Variants in RORA observed in about 807,000 individuals in gnomAD.
RORA encodes the protein nuclear receptor ROR-alpha.
A neutral mutation model predicts 69.5 loss-of-function variants in RORA; 7 were observed. The observed-to-expected ratio is 0.10, with a 90% CI of 0.06 to 0.19. The LOEUF (loss-of-function observed/expected upper bound fraction) is 0.19. Ranked by LOEUF, RORA falls within the 10% of genes least tolerant of loss-of-function variation. RORA has a pLI of 1.00. For missense variants in RORA, 457 were observed against 663.0 expected, an observed-to-expected ratio of 0.69 and a Z score of 3.41; for synonymous variants, 261 against 240.8, an observed-to-expected ratio of 1.08 and a Z score of -0.78.
At chr15:60,543,649 TTA>T (rs939906732) in intron 2 of RORA, among the ~76,000 whole-genome samples, 17 of 152,016 alleles carry the variant, frequency 1.1e-4, no homozygotes, top group African/African-American at 4.1e-4. Context: ...TGGCTTTTTT[TTA>T]TATTTTTTTC....
At chr15:61,062,161 G>A (rs1259932130) in intron 1 of RORA, among the ~76,000 whole-genome samples, 1 of 152,218 alleles carries the variant, frequency 6.6e-6, no homozygotes, top group African/African-American at 2.4e-5. Flanking sequence ...TCTTGGCTCT[G>A]AATGCCTGAC....
Position 60,489,055 on chromosome 15 carries a change from A to G in RORA, c.*8400T>C, listed in dbSNP as rs1197421618. The G allele has an allele frequency of 2.6e-5, 4 of 152,232 alleles. No individual in the cohort carries two copies. The allele number at this position is 152,232 out of a possible 1,614,324, so 9.4% of individuals were successfully genotyped here. A position where few individuals can be genotyped will look rare whatever the true frequency, so the allele number is the denominator to read the frequency against. On this transcript the variant is annotated 3_prime_UTR_variant, in exon 11 of 11. Transcript: ENST00000335670. ...TGTGCTAGCCATTGTGCAGACGCAA[A>G]AAGATACAATCTCTACCCTCAGGAA...
chr15:61,215,932 T>C (rs192233693), intron 1 of RORA, among the ~76,000 whole-genome samples: 77 of 152,336 alleles, frequency 5.1e-4, no homozygotes, highest in African/African-American at 1.8e-3. Flanking sequence ...TTTTCATTAC[T>C]ACCGCATATT....
At chr15:60,705,476 A>G (rs2071048435) in intron 1 of RORA, among the ~76,000 whole-genome samples, 1 of 152,230 alleles carries the variant, frequency 6.6e-6, no homozygotes, top group South Asian at 2.1e-4. Context: ...ATTTAATCAA[A>G]GGATTCAACA....
At chr15:61,087,649 T>C (rs1208259974) in intron 1 of RORA, among the ~76,000 whole-genome samples, 3 of 152,240 alleles carry the variant, frequency 2.0e-5, no homozygotes, top group African/African-American at 7.2e-5. Flanking sequence ...AAGTCTGCAG[T>C]TGGCAGATAA....
At chr15:61,048,068 A>C (rs951751373) in intron 1 of RORA, among the ~76,000 whole-genome samples, 1 of 152,218 alleles carries the variant, frequency 6.6e-6, no homozygotes, top group Non-Finnish European at 1.5e-5. Flanking sequence ...CCAGCATTTG[A>C]ATAAAGTGTG....
intron 4 of RORA, 84 bp downstream of exon 4, chr15:60,514,532 A>C: frequency 1.5e-6 from 2 of 1,329,548 alleles, no homozygotes; most frequent in African/African-American, 1.4e-5. Flanking sequence ...CAGGCGGGGC[A>C]GATATTGGCA....
At chr15:61,008,737 C>A (rs1308044561) in intron 1 of RORA, among the ~76,000 whole-genome samples, 2 of 152,024 alleles carry the variant, frequency 1.3e-5, no homozygotes, top group African/African-American at 4.8e-5. Flanking sequence ...AAAAAAAAAT[C>A]CACAACTGAG....
At chr15:60,820,716 A>T (rs2072882661) in intron 1 of RORA, among the ~76,000 whole-genome samples, 1 of 152,182 alleles carries the variant, frequency 6.6e-6, no homozygotes, top group South Asian at 2.1e-4. Context: ...CCTAAACCGT[A>T]AAAACGGCAG....
chr15:61,181,470 A>T (rs534144398), intron 1 of RORA: 52 of 152,294 alleles, frequency 3.4e-4, no homozygotes, highest in African/African-American at 1.2e-3. Flanking sequence ...CACTAAAGTG[A>T]AAAAGGGTCA....
At chr15:60,630,038 T>G (rs2069698365) in intron 2 of RORA, among the ~76,000 whole-genome samples, 1 of 152,174 alleles carries the variant, frequency 6.6e-6, no homozygotes. Context: ...ACCTATGATT[T>G]GGCTATTGGG....
At chr15:60,976,253 C>T (rs1383910450) in intron 1 of RORA, among the ~76,000 whole-genome samples, 4 of 152,138 alleles carry the variant, frequency 2.6e-5, no homozygotes, top group Non-Finnish European at 5.9e-5. Context: ...AACAGCCCTG[C>T]GGGACTCAAT....
chr15:61,222,470 G>A (rs897439375), intron 1 of RORA, among the ~76,000 whole-genome samples: 1 of 152,216 alleles, frequency 6.6e-6, no homozygotes, highest in African/African-American at 2.4e-5. Context: ...TGACTAAACT[G>A]TGAGCTATGG....
intron 1 of RORA, among the ~76,000 whole-genome samples, chr15:61,158,547 T>C (rs758713919): frequency 1.1e-4 from 16 of 152,194 alleles, no homozygotes; most frequent in Non-Finnish European, 2.1e-4. Context: ...CTTTATTGAA[T>C]AAACAATTTT....
At chr15:61,139,997 C>T (rs988476910) in intron 1 of RORA, among the ~76,000 whole-genome samples, 4 of 152,198 alleles carry the variant, frequency 2.6e-5, no homozygotes, top group African/African-American at 9.7e-5. Flanking sequence ...CACCATTTGG[C>T]ACTTCCCAGA....
At chr15:60,800,727 C>A (rs1302199134) in intron 1 of RORA, among the ~76,000 whole-genome samples, 1 of 152,142 alleles carries the variant, frequency 6.6e-6, no homozygotes, top group East Asian at 1.9e-4. Flanking sequence ...TACCTCCCAG[C>A]CCCCCAAACT....
At chr15:61,160,648 A>AAACT (rs1438649353) in intron 1 of RORA, among the ~76,000 whole-genome samples, 1 of 152,156 alleles carries the variant, frequency 6.6e-6, no homozygotes, top group African/African-American at 2.4e-5. Flanking sequence ...ATGAGTGAAT[A>AAACT]AACTATAGAG....
At chr15:60,801,583 C>T (rs913715916) in intron 1 of RORA, among the ~76,000 whole-genome samples, 6 of 152,212 alleles carry the variant, frequency 3.9e-5, no homozygotes, top group African/African-American at 1.4e-4. Flanking sequence ...TGGAATGTCT[C>T]TGCATTTTAC....
chr15:61,136,555 A>G lies in RORA; in HGVS notation c.166+92498T>C, dbSNP rs140056198. On this transcript the variant is annotated intron_variant, in intron 1 of 10. Transcript: ENST00000335670. ...AATAGACTACAATGAGACAAAACAC[A>G]TGAGCACATGTTACCACAAGACAGA... 2.6e-5 allele frequency among the ~76,000 whole-genome samples: 4 copies of G among 152,354 alleles called. No homozygotes were observed. The East Asian group carries it at 5.8e-4, about 22-fold the overall frequency.
Sources: gnomAD v4.1 joint callset for allele counts (sites outside exome capture counted in the v4.1 genomes callset) on GRCh38, gnomAD v4.1.1 for gene constraint, MANE v1.5 for transcripts, NCBI Gene and HGNC (gene_info 2026-07-23, HGNC 2026-07-21) for gene names.